ZNF723: variants seen among roughly 807,000 people sequenced by gnomAD.
ZNF723 encodes the protein zinc finger protein 723.
A neutral mutation model predicts 9.4 loss-of-function variants in ZNF723; 5 were observed. The ratio of observed to expected loss-of-function variants is 0.53; its 90% CI spans 0.28 to 1.12. The LOEUF (loss-of-function observed/expected upper bound fraction) is 1.12. ZNF723 is among the 50% of genes most tolerant of loss of function. The pLI is 0.10. For missense variants in ZNF723, 450 were observed against 501.5 expected, an observed-to-expected ratio of 0.90 and a Z score of 0.98; for synonymous variants, 158 against 168.8, an observed-to-expected ratio of 0.94 and a Z score of 0.49.
At position 22,848,317 on chromosome 19, in the gene ZNF723, C is replaced by T. The variant is rs1484812457; in HGVS notation, c.60C>T (p.Phe20=). 7.1e-7 allele frequency: 1 copy of T among 1,405,180 alleles called. No individual in the cohort carries two copies. The highest frequency in any genetic ancestry group is 9.9e-7 in the Non-Finnish European group (1 of 1,006,144). 87.0% of individuals were successfully genotyped at this position (1,405,180 alleles called of 1,614,324 possible). Residue 20 remains phenylalanine, a synonymous_variant, in exon 2 of 4, where the codon TTC becomes TTT. Coordinates refer to ENST00000600766, the MANE Select transcript of ZNF723 (RefSeq NM_001349726.2). ...AATTTTCTCTGGAGGAGTGGCAATT[C>T]CTGGACACTGCACAGCAGAATTTAT... ...AIKFSLEEWQ[F]LDTAQQNLYR... is the part of the protein sequence containing the mutation.
chr19:22,845,788 A>C (rs1194858376), intron 1 of ZNF723, among the ~76,000 whole-genome samples: 1 of 151,846 alleles, frequency 6.6e-6, no homozygotes, highest in African/African-American at 2.4e-5. Context: ...GGTGGTGCTG[A>C]CACCTTTAAA....
chr19:22,828,068 G>A (rs1283407299), upstream of ZNF723, among the ~76,000 whole-genome samples: 3 of 152,074 alleles, frequency 2.0e-5, no homozygotes, highest in East Asian at 5.8e-4. Flanking sequence ...CAACAAGAGT[G>A]AAACTCCATC....
In ZNF723 at chr19:22,857,977, TCA is replaced by T. The variant is rs1323914933; in HGVS notation, c.1090_1091del (p.Thr364TrpfsTer8). ...CACACATTACTACACATAAGAGAAT[TCA>T]CACTGGAGAGAAACCCTACAAATGT... ...SSHITTHKRI[H>X]TGEKPYKCEE... On this transcript the variant is annotated frameshift_variant, in exon 4 of 4. Transcript: ENST00000600766. LOFTEE classifies it low-confidence loss of function (END_TRUNC). 6.5e-6 allele frequency: 10 copies of T among 1,538,644 alleles called. No individual in the cohort carries two copies. The highest frequency in any genetic ancestry group is 9.0e-6 in the Non-Finnish European group (10 of 1,112,592).
intron 1 of ZNF723, among the ~76,000 whole-genome samples, chr19:22,842,454 A>G (rs1180559312): frequency 1.3e-5 from 2 of 152,164 alleles, no homozygotes; most frequent in Non-Finnish European, 2.9e-5. Flanking sequence ...ATTTCTGTAA[A>G]TATAATAAAA....
intron 1 of ZNF723, among the ~76,000 whole-genome samples, chr19:22,841,828 A>G (rs540324948): frequency 3.3e-5 from 5 of 152,190 alleles, no homozygotes; most frequent in Non-Finnish European, 2.9e-5. Flanking sequence ...CAAATATGCA[A>G]GTAACACCTG....
chr19:22,842,791 C>G (rs1189164842), intron 1 of ZNF723, among the ~76,000 whole-genome samples: 1 of 152,140 alleles, frequency 6.6e-6, no homozygotes, highest in African/African-American at 2.4e-5. Flanking sequence ...CAAATAAGGT[C>G]TGTTCTCTTC....
chr19:22,850,561 C>T (rs746852017), intron 3 of ZNF723, among the ~76,000 whole-genome samples: 31 of 151,264 alleles, frequency 2.0e-4, no homozygotes, highest in Non-Finnish European at 4.0e-4. Context: ...TGCAATGGCA[C>T]GATCTTGGCT....
chr19:22,818,641 C>T, the ZNF723 span, among the ~76,000 whole-genome samples: 1 of 152,190 alleles, frequency 6.6e-6, no homozygotes, highest in African/African-American at 2.4e-5. Flanking sequence ...GACTTTCTTG[C>T]AGGTGTAATT....
At chr19:22,832,470 T>A in intron 1 of ZNF723, 88 bp downstream of exon 1, 10 of 1,249,376 alleles carry the variant, frequency 8.0e-6, no homozygotes, top group Non-Finnish European at 1.1e-5. Flanking sequence ...CAGGCCTCCC[T>A]GCTGTCAGCC....
At chr19:22,830,715 C>CA (rs1399660976), upstream of ZNF723, among the ~76,000 whole-genome samples, 1 of 151,886 alleles carries the variant, frequency 6.6e-6, no homozygotes, top group Non-Finnish European at 1.5e-5. Context: ...ACCACATATG[C>CA]AAAAAAGGCA....
Position 22,858,208 on chromosome 19 carries a change from C to A in ZNF723, c.1317C>A (p.Thr439=), listed in dbSNP as rs1042986905. ...GTAAAGGTTTTAGCCAATCCTCAAC[C>A]CTTACTAAACATAAGATAATTCATA... is the stretch of plus-strand genomic sequence containing the variant. The part of the protein sequence containing the change: ...QCGKGFSQSS[T]LTKHKIIHTK... The change falls in exon 4 of 4, where the codon ACC becomes ACA. Residue 439 remains threonine (T), a synonymous_variant. Coordinates refer to ENST00000600766, the MANE Select transcript of ZNF723 (RefSeq NM_001349726.2). 6.7e-5 allele frequency: 92 copies of A among 1,372,980 alleles called. No individual in the cohort carries two copies. The highest frequency in any genetic ancestry group is 1.8e-4 in the Middle Eastern group (1 of 5,608). The allele number at this position is 1,372,980 out of a possible 1,614,324, so 85.0% of individuals were successfully genotyped here. A position where few individuals can be genotyped will look rare whatever the true frequency, so the allele number is the denominator to read the frequency against.
intron 1 of ZNF723, among the ~76,000 whole-genome samples, chr19:22,841,198 C>T (rs1967241051): frequency 6.6e-6 from 1 of 152,236 alleles, no homozygotes; most frequent in East Asian, 1.9e-4. Context: ...TCAGCAGGCA[C>T]TTGGCTTCAT....
rs1181447517 is a variant in ZNF723, at chr19:22,858,663, G to T, written c.*230G>T. On this transcript the variant is annotated 3_prime_UTR_variant, in exon 4 of 4. Coordinates refer to ENST00000600766, the MANE Select transcript of ZNF723 (RefSeq NM_001349726.2). ...CGCCTGTAATCCCAGCTAGTTGGGA[G>T]GCTGAGGCAGGAGAATCGCTTGAAC... 5 of 318,824 alleles carry T rather than the reference G, an allele frequency of 1.6e-5. No homozygotes were observed. Among genetic ancestry groups the T allele is most frequent in the Non-Finnish European group, 2.8e-5 (5 of 177,216 alleles). 19.7% of individuals were successfully genotyped at this position (318,824 alleles called of 1,614,324 possible). A position where few individuals can be genotyped will look rare whatever the true frequency, so the allele number is the denominator to read the frequency against.
At chr19:22,853,451 C>T (rs1000163658) in intron 3 of ZNF723, among the ~76,000 whole-genome samples, 1 of 152,072 alleles carries the variant, frequency 6.6e-6, no homozygotes, top group African/African-American at 2.4e-5. Context: ...TGAATAGATG[C>T]ATTCTCCAGA....
At chr19:22,825,015 T>C in the ZNF723 span, among the ~76,000 whole-genome samples, 1 of 152,176 alleles carries the variant, frequency 6.6e-6, no homozygotes, top group African/African-American at 2.4e-5. Context: ...TGGAATGTCA[T>C]AGCAGTACCA....
chr19:22,846,165 A>T (rs1043924446), intron 1 of ZNF723, among the ~76,000 whole-genome samples: 3 of 152,072 alleles, frequency 2.0e-5, no homozygotes, highest in Non-Finnish European at 4.4e-5. Flanking sequence ...CAGTATTAAA[A>T]ATGTTTCCTT....
intron 2 of ZNF723, among the ~76,000 whole-genome samples, 187 bp from the exon 3 acceptor site, chr19:22,849,011 T>A (rs1397303047): frequency 6.6e-6 from 1 of 152,092 alleles, no homozygotes; most frequent in Non-Finnish European, 1.5e-5. Context: ...CTCCTTGGCC[T>A]CCCAAAGTGC....
intron 1 of ZNF723, among the ~76,000 whole-genome samples, chr19:22,834,002 G>A (rs569646020): frequency 1.7e-4 from 20 of 119,724 alleles, no homozygotes; most frequent in South Asian, 9.2e-4. Flanking sequence ...CGCAACCTCC[G>A]CCTCCCAGGC....
intron 3 of ZNF723, among the ~76,000 whole-genome samples, chr19:22,851,838 G>A (rs2145227355): frequency 6.6e-6 from 1 of 152,258 alleles, no homozygotes; most frequent in African/African-American, 2.4e-5. Flanking sequence ...CCAGGCTGGA[G>A]GGCAATGGCG....
Sources: gnomAD v4.1 joint callset for allele counts (sites outside exome capture counted in the v4.1 genomes callset) on GRCh38, gnomAD v4.1.1 for gene constraint, MANE v1.5 for transcripts, NCBI Gene and HGNC (gene_info 2026-07-23, HGNC 2026-07-21) for gene names.